STAG3: variants seen among roughly 807,000 people sequenced by gnomAD.
STAG3 encodes the protein STAG3 cohesin complex component, also known as cohesin subunit SA-3.
Under a neutral mutation model 160.7 loss-of-function variants are expected in STAG3, and 101 were observed. The observed-to-expected ratio is 0.63, with a 90% CI of 0.54 to 0.74. STAG3 has a LOEUF of 0.74. STAG3 is among the 30% of genes least tolerant of loss of function. The probability of loss-of-function intolerance (pLI) is 0.00; values close to 1 mark genes in which losing one functional copy is unlikely to be tolerated. For synonymous variants in STAG3, 519 were observed against 585.0 expected (o/e 0.89, Z 1.63); for missense variants, 1,188 against 1,517.4 (o/e 0.78, Z 3.61).
At position 100,202,229 on chromosome 7, in the gene STAG3, G is replaced by A; in HGVS notation, c.2452G>A (p.Gly818Ser). The A allele has an allele frequency of 1.2e-6, 2 of 1,614,084 alleles. No homozygotes were observed. The highest frequency in any genetic ancestry group is 1.1e-5 in the South Asian group (1 of 91,068). ...LIFSPQMIVG[G>S]RDFLRPLVFF... ...CTTTAGCCCTCAGATGATTGTTGGG[G>A]GCCGTGATTTCCTTAGGCCACTTGT... is the stretch of plus-strand genomic sequence containing the variant. The change falls in exon 24 of 34, where the codon GGC (glycine) becomes AGC (serine). Residue 818 changes from glycine to serine, a missense_variant. Transcript: ENST00000615138.
intron 4 of STAG3, among the ~76,000 whole-genome samples, chr7:100,184,127 G>A (rs1245697725): frequency 2.0e-5 from 3 of 152,080 alleles, no homozygotes; most frequent in Non-Finnish European, 4.4e-5. Context: ...TTAGCTGCAT[G>A]TGGTGGCGTT....
Position 100,207,198 on chromosome 7 carries a change from G to T in STAG3, c.3238+1814G>T, listed in dbSNP as rs1801732691. Among the ~76,000 whole-genome samples the T allele has an allele frequency of 6.6e-6, 1 of 152,088 alleles. No individual in the cohort carries two copies. The highest frequency in any genetic ancestry group is 2.1e-4 in the South Asian group (1 of 4,828). On this transcript the variant is annotated intron_variant, in intron 29 of 33. Coordinates refer to ENST00000615138, the MANE Select transcript of STAG3 (RefSeq NM_001282717.2). The surrounding 1 kb of genome is among the most constrained non-coding windows in gnomAD (Gnocchi z 4.0). ...CTAAACATGCATGTACACATTTTTG[G>T]GTGGATGCATCTTTTCAGTTATCTT...
Position 100,207,389 on chromosome 7 carries a change from C to T in STAG3, c.3238+2005C>T, listed in dbSNP as rs1801754195. Among the ~76,000 whole-genome samples the T allele has an allele frequency of 6.6e-6, 1 of 152,064 alleles. No homozygotes were observed. Among genetic ancestry groups the T allele is most frequent in the Non-Finnish European group, 1.5e-5 (1 of 68,002 alleles). ...TGTTGTCACCGGTACTTATTAATGT[C>T]TTTTTTTATTTTATCCATCTCCTAG... On this transcript the variant is annotated intron_variant, in intron 29 of 33. Transcript: ENST00000615138. This position sits in a 1 kb window ranked among gnomAD's most constrained non-coding sequence, Gnocchi z 4.0.
chr7:100,208,117 GAAA>G (rs766770329), intron 29 of STAG3, among the ~76,000 whole-genome samples: 1 of 142,172 alleles, frequency 7.0e-6, no homozygotes, highest in Non-Finnish European at 1.5e-5. Context: ...TACTGTCTCA[GAAA>G]AAAAAAAAAA....
Position 100,211,023 on chromosome 7 carries a change from C to T in STAG3, c.3251C>T (p.Pro1084Leu). 3.7e-6 allele frequency: 6 copies of T among 1,613,668 alleles called. No homozygotes were observed. The highest frequency in any genetic ancestry group is 5.1e-6 in the Non-Finnish European group (6 of 1,179,892). ...KRRRVEGPAKPNREDVSSSQE... is the reference protein window; with the variant it reads ...KRRRVEGPAKLNREDVSSSQE... Reference sequence around the variant, plus strand: ...ATCTGCTTGGCAGGGCCTGCCAAGCCTAACAGAGAGGACGTCTCCTCGTCC... The same window carrying T: ...ATCTGCTTGGCAGGGCCTGCCAAGCTTAACAGAGAGGACGTCTCCTCGTCC... Residue 1084 changes from proline (P) to leucine (L), a missense_variant, in exon 30 of 34, where the codon CCT becomes CTT. Pro to Leu is a moderately conservative substitution (Grantham distance 98). Transcript: ENST00000615138.
intron 12 of STAG3, 43 bp downstream of exon 12, chr7:100,198,209 C>A: frequency 6.3e-7 from 1 of 1,583,360 alleles, no homozygotes; most frequent in Non-Finnish European, 8.7e-7. Flanking sequence ...CAGACCTTTG[C>A]CCTTCCAGGG....
chr7:100,186,204 T>C lies in STAG3; in HGVS notation c.341T>C (p.Leu114Ser). The change falls in exon 5 of 34, where the codon TTG becomes TCG. Residue 114 changes from leucine to serine, a missense_variant. By Grantham distance (145) the Leu-to-Ser change is moderately radical. Transcript: ENST00000615138. Reference protein sequence around the residue: ...VKAAKSDMQSLVDEWLDSYKQ... With the variant: ...VKAAKSDMQSSVDEWLDSYKQ... ...ATCTACATTTTTTTTCCCTAGTCTT[T>C]GGTAGATGAGTGGCTGGATAGCTAC... 2 of 1,613,856 alleles carry C rather than the reference T, an allele frequency of 1.2e-6. No individual in the cohort carries two copies. The highest frequency in any genetic ancestry group is 1.7e-6 in the Non-Finnish European group (2 of 1,179,808).
chr7:100,187,344 T>G (rs1800078254), intron 5 of STAG3, among the ~76,000 whole-genome samples: 1 of 152,090 alleles, frequency 6.6e-6, no homozygotes, highest in African/African-American at 2.4e-5. Context: ...TTGTTTTTTT[T>G]TTGTCGTTGT....
chr7:100,201,403 G>T (rs893146729), intron 21 of STAG3, 52 bp downstream of exon 21: 5 of 1,536,400 alleles, frequency 3.3e-6, no homozygotes, highest in Non-Finnish European at 4.5e-6. Flanking sequence ...AGATTTTAAG[G>T]ACCTACGTTC....
In STAG3 at chr7:100,204,044, T is replaced by C. The variant is rs1475129554; in HGVS notation, c.2724T>C (p.Ile908=). 1.9e-6 allele frequency: 3 copies of C among 1,613,836 alleles called. No homozygotes were observed. Among genetic ancestry groups the C allele is most frequent in the Middle Eastern group, 3.3e-4 (2 of 6,062 alleles). ...YNKFYNDYGD[I]IKETLTRARQ... ...AGTTCTACAATGACTATGGTGACAT[T>C]ATCAAGGAAACATTAACTAGAGCAA... Residue 908 remains isoleucine, a synonymous_variant, in exon 26 of 34, where the codon ATT becomes ATC. Coordinates refer to ENST00000615138, the MANE Select transcript of STAG3 (RefSeq NM_001282717.2).
chr7:100,197,305 C>A, intron 10 of STAG3, 26 bp downstream of exon 10: 1 of 1,604,678 alleles, frequency 6.2e-7, no homozygotes, highest in Non-Finnish European at 8.5e-7. Flanking sequence ...GTTTCCCTTT[C>A]CGTTTCCTTC....
chr7:100,209,246 C>T (rs976414991), intron 29 of STAG3, among the ~76,000 whole-genome samples: 4 of 152,178 alleles, frequency 2.6e-5, no homozygotes, highest in African/African-American at 9.7e-5. Context: ...CTTAGGAACC[C>T]AAAGTGCAGG....
chr7:100,200,042 G>C (rs2117298248), intron 16 of STAG3, 194 bp from the exon 17 acceptor site: 1 of 535,510 alleles, frequency 1.9e-6, no homozygotes, highest in South Asian at 2.6e-5. Flanking sequence ...CTCCAGCCTG[G>C]GTGACAGAGC....
chr7:100,209,517 G>C (rs1180203219), intron 29 of STAG3, among the ~76,000 whole-genome samples: 1 of 152,184 alleles, frequency 6.6e-6, no homozygotes, highest in East Asian at 1.9e-4. Flanking sequence ...GAGTGCAGTA[G>C]GAAAACCATT....
chr7:100,188,312 A>C, intron 5 of STAG3, 141 bp from the exon 6 acceptor site: 1 of 757,532 alleles, frequency 1.3e-6, no homozygotes, highest in Non-Finnish European at 2.4e-6. Flanking sequence ...GGATGTTGGC[A>C]GACTGTTGAC....
Position 100,189,441 on chromosome 7 carries a change from A to G in STAG3, c.716-4A>G, listed in dbSNP as rs1800221395. 1 of 1,608,378 alleles carries G rather than the reference A, an allele frequency of 6.2e-7. No individual in the cohort carries two copies. Among genetic ancestry groups the G allele is most frequent in the African/African-American group, 1.3e-5 (1 of 74,254 alleles). On this transcript the variant is annotated splice_polypyrimidine_tract_variant and splice_region_variant and intron_variant, in intron 7 of 33. Coordinates refer to ENST00000615138, the MANE Select transcript of STAG3 (RefSeq NM_001282717.2). ...TTTCTTTATCTCTTTTTCCTTTCTC[A>G]AAGCTATGAAACTGATGACCTCCCT...
chr7:100,181,243 T>C (rs1328735746), intron 2 of STAG3: 3 of 152,226 alleles, frequency 2.0e-5, no homozygotes, highest in African/African-American at 7.2e-5. Flanking sequence ...TAATAATATA[T>C]CTTGGTTTTT....
downstream of STAG3, among the ~76,000 whole-genome samples, chr7:100,215,694 C>T (rs933726667): frequency 6.6e-6 from 1 of 152,106 alleles, no homozygotes; most frequent in African/African-American, 2.4e-5. Context: ...CCAGGCAGCC[C>T]AGTGCACTGG....
chr7:100,202,228 G>A lies in STAG3; in HGVS notation c.2451G>A (p.Gly817=). The A allele has an allele frequency of 1.2e-6, 2 of 1,613,930 alleles. No homozygotes were observed. The highest frequency in any genetic ancestry group is 4.5e-5 in the East Asian group (2 of 44,894). ...LLIFSPQMIV[G]GRDFLRPLVF... is the part of the protein sequence containing the mutation. Reference sequence around the variant, plus strand: ...TCTTTAGCCCTCAGATGATTGTTGGGGGCCGTGATTTCCTTAGGCCACTTG... The same window carrying A: ...TCTTTAGCCCTCAGATGATTGTTGGAGGCCGTGATTTCCTTAGGCCACTTG... Residue 817 remains glycine (G), a synonymous_variant, in exon 24 of 34, where the codon GGG becomes GGA. Coordinates refer to ENST00000615138, the MANE Select transcript of STAG3 (RefSeq NM_001282717.2).
Sources: gnomAD v4.1 joint callset for allele counts (sites outside exome capture counted in the v4.1 genomes callset) on GRCh38, gnomAD v4.1.1 for gene constraint, Gnocchi (gnomAD v3.1) non-coding constraint, MANE v1.5 for transcripts, NCBI Gene and HGNC (gene_info 2026-07-23, HGNC 2026-07-21) for gene names.